Variants in MYO5B observed in about 807,000 individuals in gnomAD.
MYO5B encodes the protein unconventional myosin-Vb.
Under a neutral mutation model 229.3 loss-of-function variants are expected in MYO5B, and 143 were observed. The observed-to-expected ratio is 0.62, with a 90% CI of 0.54 to 0.72. The LOEUF (loss-of-function observed/expected upper bound fraction) is 0.72. MYO5B is among the 30% of genes least tolerant of loss of function. The pLI, the probability that MYO5B is intolerant of heterozygous loss-of-function variation, is 0.00. For missense variants in MYO5B, 2,321 were observed against 2,331.0 expected, an observed-to-expected ratio of 1.00 and a Z score of 0.09; for synonymous variants, 918 against 885.2, an observed-to-expected ratio of 1.04 and a Z score of -0.66.
chr18:50,079,839 T>G (rs979793217), intron 1 of MYO5B, among the ~76,000 whole-genome samples: 2 of 152,132 alleles, frequency 1.3e-5, no homozygotes, highest in Non-Finnish European at 2.9e-5. Flanking sequence ...CCTGCCTGCC[T>G]GCCCTCCTTA....
At chr18:50,193,245 G>A (rs1599094410) in intron 1 of MYO5B, among the ~76,000 whole-genome samples, 1 of 152,196 alleles carries the variant, frequency 6.6e-6, no homozygotes, top group Admixed American at 6.5e-5. Context: ...GGCCAGGACT[G>A]TCACAGAGTT....
intron 18 of MYO5B, among the ~76,000 whole-genome samples, chr18:49,910,848 A>T (rs914904053): frequency 2.6e-5 from 4 of 152,186 alleles, no homozygotes; most frequent in African/African-American, 9.7e-5. Context: ...TATTTTTATT[A>T]CCTTGTTCAA....
At chr18:49,967,395 G>A (rs2025637816) in intron 10 of MYO5B, among the ~76,000 whole-genome samples, 1 of 152,180 alleles carries the variant, frequency 6.6e-6, no homozygotes, top group African/African-American at 2.4e-5. Context: ...GAGAGGCAGT[G>A]AGATGCTTTG....
In MYO5B at chr18:50,061,479, T is replaced by A. The variant is rs112502026; in HGVS notation, c.28-6101A>T. On this transcript the variant is annotated intron_variant, in intron 1 of 39. Transcript: ENST00000285039. ...AAGGTGGTCCATGTTACTGGGATCC[T>A]TTAGATGTCCTGTAGGTCATAATAC... Among the ~76,000 whole-genome samples the A allele has an allele frequency of 9.7e-3, 1,480 of 152,280 alleles. 28 individuals carry two copies. The highest frequency in any genetic ancestry group is 0.034 in the African/African-American group (1,398 of 41,552).
intron 4 of MYO5B, among the ~76,000 whole-genome samples, chr18:50,024,604 A>G (rs1460850683): frequency 2.0e-5 from 3 of 152,006 alleles, no homozygotes; most frequent in African/African-American, 7.2e-5. Flanking sequence ...CTGTAAGTAC[A>G]CTCCTCCCTC....
intron 1 of MYO5B, among the ~76,000 whole-genome samples, chr18:50,134,351 C>A (rs528726113): frequency 1.3e-5 from 2 of 151,870 alleles, no homozygotes; most frequent in African/African-American, 4.8e-5. Context: ...GTCATGAGAT[C>A]GAGACCATCC....
At chr18:49,881,680 T>C (rs559176776) in intron 22 of MYO5B, among the ~76,000 whole-genome samples, 3 of 145,262 alleles carry the variant, frequency 2.1e-5, no homozygotes, top group African/African-American at 5.2e-5. Context: ...TGGGTGCCTG[T>C]AGTCCCAGCT....
At chr18:49,868,891 G>A (rs1255206150) in intron 27 of MYO5B, among the ~76,000 whole-genome samples, 1 of 152,216 alleles carries the variant, frequency 6.6e-6, no homozygotes, top group African/African-American at 2.4e-5. Context: ...TGCTTCTGCC[G>A]AGAGCTGCAG....
At position 50,173,982 on chromosome 18, in the gene MYO5B, A is replaced by T. The variant is rs147258528; in HGVS notation, c.27+20785T>A. On this transcript the variant is annotated intron_variant, in intron 1 of 39. Transcript: ENST00000285039. Reference sequence around the variant, plus strand: ...GTTTCTGGAAGAGATTGGCATTGGAATCAGACTGAGTACAGAAGGTCTGCC... The same window carrying T: ...GTTTCTGGAAGAGATTGGCATTGGATTCAGACTGAGTACAGAAGGTCTGCC... 1.4e-3 allele frequency among the ~76,000 whole-genome samples: 208 copies of T among 152,286 alleles called. 1 individual carries two copies. The highest frequency in any genetic ancestry group is 4.6e-3 in the African/African-American group (193 of 41,546).
At chr18:50,023,390 C>T (rs1457311346) in intron 4 of MYO5B, among the ~76,000 whole-genome samples, 1 of 152,132 alleles carries the variant, frequency 6.6e-6, no homozygotes, top group Non-Finnish European at 1.5e-5. Context: ...GACCACAGTT[C>T]AGACGGAAAG....
At chr18:50,125,427 G>A (rs1028705189) in intron 1 of MYO5B, among the ~76,000 whole-genome samples, 16 of 151,510 alleles carry the variant, frequency 1.1e-4, no homozygotes, top group African/African-American at 2.7e-4. Flanking sequence ...TGTAAATGAC[G>A]AGTTAATGGG....
chr18:50,192,073 GAGAA>G (rs2033235836), intron 1 of MYO5B, among the ~76,000 whole-genome samples: 1 of 36,824 alleles, frequency 2.7e-5, no homozygotes, highest in South Asian at 6.0e-4. Context: ...ACCCATTTGA[GAGAA>G]AAAAAAAAAA....
At chr18:50,114,803 A>G (rs1334963930) in intron 1 of MYO5B, among the ~76,000 whole-genome samples, 1 of 152,150 alleles carries the variant, frequency 6.6e-6, no homozygotes, top group Non-Finnish European at 1.5e-5. Context: ...TGTTACCTCC[A>G]CAGGTGGAGC....
intron 4 of MYO5B, among the ~76,000 whole-genome samples, chr18:50,029,201 C>T (rs757797854): frequency 2.6e-5 from 4 of 152,150 alleles, no homozygotes; most frequent in Non-Finnish European, 5.9e-5. Flanking sequence ...AACCTTAGTG[C>T]TGTATCATCC....
At chr18:49,930,674 C>T (rs1598890310) in intron 16 of MYO5B, among the ~76,000 whole-genome samples, 1 of 152,104 alleles carries the variant, frequency 6.6e-6, no homozygotes, top group Non-Finnish European at 1.5e-5. Flanking sequence ...GGGTGGATCA[C>T]AAGGTCAGGA....
intron 2 of MYO5B, among the ~76,000 whole-genome samples, chr18:50,043,349 T>A (rs1378268374): frequency 1.1e-5 from 1 of 88,942 alleles, no homozygotes; most frequent in Non-Finnish European, 2.1e-5. Context: ...TTATATTATA[T>A]ATAATATAAA....
At position 49,847,026 on chromosome 18, in the gene MYO5B, CAG is replaced by C. The variant is rs145206431; in HGVS notation, c.4459+118_4459+119del. The C allele has an allele frequency of 2.8e-4, 359 of 1,274,698 alleles. 2 individuals are homozygous for C. The East Asian group carries it at 5.7e-3, about 20-fold the overall frequency. The allele number at this position is 1,274,698 out of a possible 1,614,324, so 79.0% of individuals were successfully genotyped here. A position where few individuals can be genotyped will look rare whatever the true frequency, so the allele number is the denominator to read the frequency against. On this transcript the variant is annotated intron_variant, in intron 33 of 39. Transcript: ENST00000285039. Reference sequence around the variant, plus strand: ...GGCAGGTGCAAGGGCAAGTAGGAGACAGAGGGTGGGGGCTGTGCAGGAGGTGA... The same window carrying C: ...GGCAGGTGCAAGGGCAAGTAGGAGACAGGGTGGGGGCTGTGCAGGAGGTGA...
intron 19 of MYO5B, among the ~76,000 whole-genome samples, chr18:49,905,908 C>T (rs553692824): frequency 6.6e-6 from 1 of 152,238 alleles, no homozygotes; most frequent in South Asian, 2.1e-4. Context: ...TGACTCAACC[C>T]CTAGGTCAAC....
intron 39 of MYO5B, among the ~76,000 whole-genome samples, chr18:49,828,158 G>A (rs1437206965): frequency 1.3e-5 from 2 of 152,194 alleles, no homozygotes; most frequent in Non-Finnish European, 2.9e-5. Context: ...TGGATATGGA[G>A]GGCTGACTGT....
Sources: allele counts gnomAD v4.1 joint callset (sites outside exome capture counted in the v4.1 genomes callset), GRCh38; gene constraint gnomAD v4.1.1; transcripts MANE v1.5; gene names NCBI Gene and HGNC (gene_info 2026-07-23, HGNC 2026-07-21).